EPB41L4A: variants seen among roughly 807,000 people sequenced by gnomAD.
EPB41L4A encodes the protein erythrocyte membrane protein band 4.1 like 4A, also known as band 4.1-like protein 4A.
Under a neutral mutation model 108.6 loss-of-function variants are expected in EPB41L4A, and 100 were observed. That is an observed-to-expected ratio of 0.92 (90% confidence interval 0.78 to 1.09). The LOEUF (loss-of-function observed/expected upper bound fraction) is 1.09. Among genes scored for constraint, EPB41L4A ranks in the 50% least tolerant of loss-of-function variants. The pLI, the probability that EPB41L4A is intolerant of heterozygous loss-of-function variation, is 0.00. For synonymous variants in EPB41L4A, 319 were observed against 289.0 expected (o/e 1.10, Z -1.05); for missense variants, 1,030 against 842.7 (o/e 1.22, Z -2.75).
At position 112,403,562 on chromosome 5, in the gene EPB41L4A, G is replaced by A. The variant is rs529821384; in HGVS notation, c.99+15379C>T. On this transcript the variant is annotated intron_variant, in intron 1 of 22. Coordinates refer to ENST00000261486, the MANE Select transcript of EPB41L4A (RefSeq NM_022140.5). ...GAGCTTACTGCAACCTCTAACTCCT[G>A]GATTCAAGTGATGCTCCCACCTCAG... 2.6e-5 allele frequency among the ~76,000 whole-genome samples: 4 copies of A among 152,226 alleles called. No homozygotes were observed. In the South Asian group the frequency reaches 8.3e-4, roughly 32 times the overall value.
intron 2 of EPB41L4A, among the ~76,000 whole-genome samples, chr5:112,281,513 C>T (rs769583996): frequency 8.5e-5 from 13 of 152,166 alleles, no homozygotes; most frequent in Non-Finnish European, 1.2e-4. Context: ...GATGGAATCG[C>T]TCCCACACTC....
chr5:112,406,162 A>G (rs375065356), intron 1 of EPB41L4A, among the ~76,000 whole-genome samples: 17 of 152,224 alleles, frequency 1.1e-4, no homozygotes, highest in African/African-American at 3.9e-4. Flanking sequence ...GCGCCCTTGT[A>G]AACAGCAGCA....
At chr5:112,407,941 T>C (rs1487723617) in intron 1 of EPB41L4A, among the ~76,000 whole-genome samples, 1 of 152,218 alleles carries the variant, frequency 6.6e-6, no homozygotes, top group African/African-American at 2.4e-5. Context: ...CCAGGAAGTT[T>C]ACAGGAAATT....
intron 2 of EPB41L4A, 55 bp downstream of exon 2, chr5:112,307,331 G>T (rs193141744): frequency 2.6e-6 from 3 of 1,173,802 alleles, no homozygotes; most frequent in Non-Finnish European, 3.8e-6. Context: ...GGAAAAGCCA[G>T]AGATAGAGTG....
chr5:112,170,255 C>A (rs1281470507), intron 20 of EPB41L4A, 46 bp downstream of exon 20: 1 of 1,568,864 alleles, frequency 6.4e-7, no homozygotes. Flanking sequence ...GGATTACTCA[C>A]AAGCACTAAT....
intron 1 of EPB41L4A, among the ~76,000 whole-genome samples, chr5:112,333,491 T>C (rs1359425755): frequency 6.6e-6 from 1 of 152,134 alleles, no homozygotes; most frequent in Non-Finnish European, 1.5e-5. Context: ...AACACACATA[T>C]TGACAGACAA....
intron 18 of EPB41L4A, among the ~76,000 whole-genome samples, chr5:112,171,901 A>T (rs1039630383): frequency 2.6e-5 from 4 of 152,214 alleles, no homozygotes; most frequent in Non-Finnish European, 5.9e-5. Context: ...GTATGTGATT[A>T]ATCTGTATTA....
At chr5:112,293,204 C>T (rs7706772) in intron 2 of EPB41L4A, among the ~76,000 whole-genome samples, 54,127 of 151,286 alleles carry the variant, frequency 0.36, 11,080 homozygotes, top group African/African-American at 0.58. Flanking sequence ...AATTGTTGTT[C>T]GATGGAAGCA....
intron 2 of EPB41L4A, among the ~76,000 whole-genome samples, chr5:112,300,814 CA>C (rs1477506655): frequency 6.6e-6 from 1 of 152,138 alleles, no homozygotes; most frequent in East Asian, 1.9e-4. Flanking sequence ...TGTAATCTCA[CA>C]TTTCTTGGAG....
intron 12 of EPB41L4A, among the ~76,000 whole-genome samples, chr5:112,212,661 A>G (rs1052135752): frequency 6.6e-6 from 1 of 152,158 alleles, no homozygotes; most frequent in Non-Finnish European, 1.5e-5. Context: ...TTCTTAGCAG[A>G]TATTACTAAT....
At chr5:112,198,738 T>G (rs1428257350) in intron 15 of EPB41L4A, among the ~76,000 whole-genome samples, 4 of 152,226 alleles carry the variant, frequency 2.6e-5, no homozygotes, top group Non-Finnish European at 5.9e-5. Flanking sequence ...ACCTTCCAAA[T>G]ATTTTACTCA....
At chr5:112,372,208 A>ATG (rs1759537883) in intron 1 of EPB41L4A, among the ~76,000 whole-genome samples, 1 of 152,204 alleles carries the variant, frequency 6.6e-6, no homozygotes, top group African/African-American at 2.4e-5. Context: ...GGAAACTTAC[A>ATG]ATCATGGCAG....
chr5:112,215,778 C>CAAAAAAAAAAAAAAAAAAAA (rs775263231), intron 12 of EPB41L4A, among the ~76,000 whole-genome samples: 1 of 99,130 alleles, frequency 1.0e-5, no homozygotes. Flanking sequence ...AAAAAAAAAA[C>CAAAAAAAAAAAAAAAAAAAA]AAAAAAAACA....
intron 1 of EPB41L4A, among the ~76,000 whole-genome samples, chr5:112,388,887 T>C (rs990704412): frequency 1.3e-5 from 2 of 152,116 alleles, no homozygotes; most frequent in African/African-American, 4.8e-5. Context: ...ACAAGGGAGT[T>C]TCCAAGCCCA....
At chr5:112,215,682 G>A (rs984037551) in intron 12 of EPB41L4A, among the ~76,000 whole-genome samples, 21 of 142,840 alleles carry the variant, frequency 1.5e-4, no homozygotes, top group Non-Finnish European at 2.2e-4. Context: ...AGAATGGCGT[G>A]ATCCCGGAAG....
intron 12 of EPB41L4A, among the ~76,000 whole-genome samples, chr5:112,222,001 A>C (rs1748083413): frequency 6.6e-6 from 1 of 152,234 alleles, no homozygotes; most frequent in South Asian, 2.1e-4. Flanking sequence ...AGCCTGCAAC[A>C]AACATACACC....
chr5:112,384,637 A>G (rs1214444667), intron 1 of EPB41L4A, among the ~76,000 whole-genome samples: 1 of 152,032 alleles, frequency 6.6e-6, no homozygotes, highest in Non-Finnish European at 1.5e-5. Flanking sequence ...TATTCAAACT[A>G]AAGAAGATGA....
At chr5:112,229,123 T>C (rs1748681658) in intron 12 of EPB41L4A, among the ~76,000 whole-genome samples, 1 of 152,196 alleles carries the variant, frequency 6.6e-6, no homozygotes, top group African/African-American at 2.4e-5. Flanking sequence ...AAGTAAAAAC[T>C]CATTTAGTAT....
intron 1 of EPB41L4A, among the ~76,000 whole-genome samples, chr5:112,313,957 G>A (rs557509613): frequency 7.1e-5 from 10 of 140,488 alleles, no homozygotes; most frequent in East Asian, 2.4e-4. Flanking sequence ...TCCGCCTCCC[G>A]GGTTCACGCC....
Sources: allele counts gnomAD v4.1 joint callset (sites outside exome capture counted in the v4.1 genomes callset), GRCh38; gene constraint gnomAD v4.1.1; transcripts MANE v1.5; gene names NCBI Gene and HGNC (gene_info 2026-07-23, HGNC 2026-07-21).